PHACTR2: variants seen among roughly 807,000 people sequenced by gnomAD.
The protein encoded by PHACTR2 is chromosome 6 open reading frame 56.
A neutral mutation model predicts 76.0 loss-of-function variants in PHACTR2; 30 were observed. The observed-to-expected ratio is 0.39, with a 90% CI of 0.30 to 0.54. The LOEUF (loss-of-function observed/expected upper bound fraction) is 0.54. Among genes scored for constraint, PHACTR2 ranks in the 20% least tolerant of loss-of-function variants. PHACTR2 has a pLI of 0.61. For missense variants in PHACTR2, 696 were observed against 781.1 expected (o/e 0.89, Z 1.30); for synonymous variants, 292 against 292.5 (o/e 1.00, Z 0.02).
Position 143,646,958 on chromosome 6 carries a change from T to C in PHACTR2, c.13+38636T>C. Among the ~76,000 whole-genome samples, 1 of 152,198 alleles carries C rather than the reference T, an allele frequency of 6.6e-6. No homozygotes were observed. Among genetic ancestry groups the C allele is most frequent in the East Asian group, 1.9e-4 (1 of 5,198 alleles). The stretch of plus-strand genomic sequence containing the variant: ...TAATCAACATTTCTTAAGTGCCCAG[T>C]GAGGTAAGCCTTGCTTCTAAAGAAT... On this transcript the variant is annotated intron_variant, in intron 1 of 11. Coordinates refer to the PHACTR2 transcript ENST00000305766. The surrounding 1 kb of genome is among the most constrained non-coding windows in gnomAD (Gnocchi z 4.1).
chr6:143,693,221 T>C (rs1777687595), intron 1 of PHACTR2, among the ~76,000 whole-genome samples: 2 of 141,194 alleles, frequency 1.4e-5, no homozygotes, highest in Admixed American at 1.4e-4. Flanking sequence ...CATAGTAGTG[T>C]CCTTTTTTTG....
chr6:143,539,268 T>G lies in PHACTR2; in HGVS notation c.217+2061T>G, dbSNP rs2128426128. 6.6e-6 allele frequency among the ~76,000 whole-genome samples: 1 copy of G among 152,360 alleles called. No individual in the cohort carries two copies. The highest frequency in any genetic ancestry group is 6.5e-5 in the Admixed American group (1 of 15,304). On this transcript the variant is annotated intron_variant, in intron 1 of 11. Coordinates refer to the PHACTR2 transcript ENST00000367584. This position sits in a 1 kb window ranked among gnomAD's most constrained non-coding sequence, Gnocchi z 4.3. ...TAGGAAGTGAAACCTTTCAGCTCAG[T>G]TGTCCCATGTGCCGCAGGATGCTGG...
intron 1 of PHACTR2, among the ~76,000 whole-genome samples, chr6:143,576,336 C>T (rs1006301170): frequency 6.6e-5 from 10 of 152,126 alleles, no homozygotes; most frequent in Admixed American, 4.6e-4. Context: ...TTTTACAAGT[C>T]GTGGGGTGAT....
chr6:143,573,915 G>A (rs74333176), intron 1 of PHACTR2, among the ~76,000 whole-genome samples: 513 of 152,142 alleles, frequency 3.4e-3, no homozygotes, highest in Non-Finnish European at 5.9e-3. Context: ...ACCTGTTTTC[G>A]CTTTCTATTA....
At position 143,757,144 on chromosome 6, in the gene PHACTR2, A is replaced by G. The variant is rs1033140832; in HGVS notation, c.454+3232A>G. Among the ~76,000 whole-genome samples, 2 of 152,244 alleles carry G rather than the reference A, an allele frequency of 1.3e-5. No individual in the cohort carries two copies. The highest frequency in any genetic ancestry group is 1.3e-4 in the Admixed American group (2 of 15,290). Reference sequence around the variant, plus strand: ...TTAAGTTATTATTTTAAAATCTTCAATGAAATAACAAGTGATGAACACTTA... The same window carrying G: ...TTAAGTTATTATTTTAAAATCTTCAGTGAAATAACAAGTGATGAACACTTA... On this transcript the variant is annotated intron_variant, in intron 4 of 12. Coordinates refer to ENST00000440869, the MANE Select transcript of PHACTR2 (RefSeq NM_001100164.2). The surrounding 1 kb of genome is among the most constrained non-coding windows in gnomAD (Gnocchi z 4.2).
chr6:143,697,808 A>AT lies in PHACTR2; in HGVS notation c.47-14203dup, dbSNP rs1179541806. 6.6e-6 allele frequency among the ~76,000 whole-genome samples: 1 copy of AT among 152,174 alleles called. No individual in the cohort carries two copies. The highest frequency in any genetic ancestry group is 2.4e-5 in the African/African-American group (1 of 41,428). On this transcript the variant is annotated intron_variant, in intron 1 of 12. Coordinates refer to ENST00000440869, the MANE Select transcript of PHACTR2 (RefSeq NM_001100164.2). This position sits in a 1 kb window ranked among gnomAD's most constrained non-coding sequence, Gnocchi z 4.4. ...CCCATGACTTATTCTTTTTGTAAAT[A>AT]TTTTTAGGGACCTTTTTGTGGCCTA...
rs543912353 is a variant in PHACTR2 at position 143,731,205 on chromosome 6, C to T, written c.215-17780C>T. ...CATTTCAGTTTTTTTCTTTAGACCA[C>T]TATTATGGTTGATTACATTGGCAGA... is the stretch of plus-strand genomic sequence containing the variant. On this transcript the variant is annotated intron_variant, in intron 2 of 12. Coordinates refer to ENST00000440869, the MANE Select transcript of PHACTR2 (RefSeq NM_001100164.2). This position sits in a 1 kb window ranked among gnomAD's most constrained non-coding sequence, Gnocchi z 4.9. Among the ~76,000 whole-genome samples, 1 of 152,156 alleles carries T rather than the reference C, an allele frequency of 6.6e-6. No homozygotes were observed. The highest frequency in any genetic ancestry group is 1.5e-5 in the Non-Finnish European group (1 of 68,032).
At chr6:143,601,138 C>T (rs1414572739) in intron 1 of PHACTR2, among the ~76,000 whole-genome samples, 3 of 152,126 alleles carry the variant, frequency 2.0e-5, no homozygotes, top group Admixed American at 6.5e-5. Flanking sequence ...TATTAGGCAC[C>T]GTGCCTGGTA....
chr6:143,655,997 G>C (rs1231456565), intron 1 of PHACTR2, among the ~76,000 whole-genome samples: 1 of 152,176 alleles, frequency 6.6e-6, no homozygotes, highest in Non-Finnish European at 1.5e-5. Flanking sequence ...GATCAAAAAA[G>C]AGTTCTTTAT....
In PHACTR2 at chr6:143,682,645, T is replaced by C. The variant is rs367599397; in HGVS notation, c.46+4436T>C. ...ACATTTTAATTCCTCCTTTTAGAGTTGAATGCCTTTTATTTTATTTTTTTC... is the reference window on the plus strand; with the variant it reads ...ACATTTTAATTCCTCCTTTTAGAGTCGAATGCCTTTTATTTTATTTTTTTC... On this transcript the variant is annotated intron_variant, in intron 1 of 12. Coordinates refer to ENST00000440869, the MANE Select transcript of PHACTR2 (RefSeq NM_001100164.2). 5.9e-5 allele frequency among the ~76,000 whole-genome samples: 9 copies of C among 152,246 alleles called. No individual in the cohort carries two copies. In the East Asian group the frequency reaches 1.7e-3, roughly 29 times the overall value.
intron 1 of PHACTR2, among the ~76,000 whole-genome samples, chr6:143,702,794 T>TG (rs1777946369): frequency 7.5e-6 from 1 of 132,470 alleles, no homozygotes; most frequent in African/African-American, 2.7e-5. Flanking sequence ...TTTTTTTTTT[T>TG]TTTTTACAGA....
chr6:143,680,999 A>G lies in PHACTR2; in HGVS notation c.46+2790A>G, dbSNP rs1777378138. Among the ~76,000 whole-genome samples, 1 of 152,158 alleles carries G rather than the reference A, an allele frequency of 6.6e-6. No individual in the cohort carries two copies. The highest frequency in any genetic ancestry group is 1.5e-5 in the Non-Finnish European group (1 of 67,998). On this transcript the variant is annotated intron_variant, in intron 1 of 12. Coordinates refer to ENST00000440869, the MANE Select transcript of PHACTR2 (RefSeq NM_001100164.2). This position sits in a 1 kb window ranked among gnomAD's most constrained non-coding sequence, Gnocchi z 4.5. ...TGAATATGCCACATTTTATTTATCCATTTATCAGTTGATGGACATTTGGGT... is the reference window on the plus strand; with the variant it reads ...TGAATATGCCACATTTTATTTATCCGTTTATCAGTTGATGGACATTTGGGT...
rs1465213401 is a variant in PHACTR2 at position 143,801,091 on chromosome 6, TG to T, written c.1846-5964del. Among the ~76,000 whole-genome samples, 2 of 152,206 alleles carry T rather than the reference TG, an allele frequency of 1.3e-5. No individual in the cohort carries two copies. Among genetic ancestry groups the T allele is most frequent in the Non-Finnish European group, 2.9e-5 (2 of 68,042 alleles). ...CTGTTAGTCTGATGGCTTCCCTTTG[TG>T]GTTAACCCAACCTTTCTCTCTGGCT... On this transcript the variant is annotated intron_variant, in intron 11 of 12. Coordinates refer to ENST00000440869, the MANE Select transcript of PHACTR2 (RefSeq NM_001100164.2). The surrounding 1 kb of genome is among the most constrained non-coding windows in gnomAD (Gnocchi z 4.6).
intron 1 of PHACTR2, among the ~76,000 whole-genome samples, chr6:143,701,920 C>T (rs530780656): frequency 6.6e-6 from 1 of 152,040 alleles, no homozygotes; most frequent in South Asian, 2.1e-4. Context: ...TGGAAAGGAG[C>T]CTAGAGATCA....
chr6:143,797,348 C>T (rs1775849228), intron 11 of PHACTR2, among the ~76,000 whole-genome samples: 1 of 152,146 alleles, frequency 6.6e-6, no homozygotes, highest in African/African-American at 2.4e-5. Context: ...AATTTTCTCC[C>T]ATTCTGTAGG....
Position 143,672,068 on chromosome 6 carries a change from G to A in PHACTR2, c.14-39948G>A, listed in dbSNP as rs191324334. Among the ~76,000 whole-genome samples, 66 of 152,250 alleles carry A rather than the reference G, an allele frequency of 4.3e-4. No individual in the cohort carries two copies. The East Asian group carries it at 0.011, about 25-fold the overall frequency. On this transcript the variant is annotated intron_variant, in intron 1 of 11. Coordinates refer to the PHACTR2 transcript ENST00000305766. The surrounding 1 kb of genome is among the most constrained non-coding windows in gnomAD (Gnocchi z 5.8). ...TTGGCAGTTCCCTAATGCCAAGGGTGGTACAGGGATGTGAAACAGGAATTA... is the reference window on the plus strand; with the variant it reads ...TTGGCAGTTCCCTAATGCCAAGGGTAGTACAGGGATGTGAAACAGGAATTA...
rs1775951726 is a variant in PHACTR2 at position 143,610,006 on chromosome 6, C to T, written c.13+1684C>T. Among the ~76,000 whole-genome samples the T allele has an allele frequency of 6.6e-6, 1 of 152,082 alleles. No homozygotes were observed. The highest frequency in any genetic ancestry group is 1.5e-5 in the Non-Finnish European group (1 of 67,984). ...AGAGTGGCTTGTAAAGTAGCAATTT[C>T]TATATCATTTCAAATTTTAGGTGTA... On this transcript the variant is annotated intron_variant, in intron 1 of 11. Transcript: ENST00000305766. This position sits in a 1 kb window ranked among gnomAD's most constrained non-coding sequence, Gnocchi z 4.9.
In PHACTR2 at chr6:143,742,660, A is replaced by AG. The variant is rs1366971449; in HGVS notation, c.215-6323dup. On this transcript the variant is annotated intron_variant, in intron 2 of 12. Transcript: ENST00000440869. The surrounding 1 kb of genome is among the most constrained non-coding windows in gnomAD (Gnocchi z 4.5). ...AGAGAGGGGGAATGTGGCTTCCCAAAGGAAAAATGTCAGGAAGGCCATTTC... is the reference window on the plus strand; with the variant it reads ...AGAGAGGGGGAATGTGGCTTCCCAAAGGGAAAAATGTCAGGAAGGCCATTTC... 2.6e-5 allele frequency among the ~76,000 whole-genome samples: 4 copies of AG among 152,218 alleles called. No individual in the cohort carries two copies. The highest frequency in any genetic ancestry group is 5.9e-5 in the Non-Finnish European group (4 of 68,030).
chr6:143,703,739 T>C (rs1284460010), intron 1 of PHACTR2, among the ~76,000 whole-genome samples: 1 of 152,172 alleles, frequency 6.6e-6, no homozygotes, highest in Admixed American at 6.5e-5. Context: ...CATCAGCTGA[T>C]AAAAAGCAAT....
Sources: allele counts gnomAD v4.1 joint callset (sites outside exome capture counted in the v4.1 genomes callset), GRCh38; gene constraint gnomAD v4.1.1; non-coding constraint Gnocchi (gnomAD v3.1); transcripts MANE v1.5; gene names NCBI Gene and HGNC (gene_info 2026-07-23, HGNC 2026-07-21).